Variants in SLC12A2 observed in about 807,000 individuals in gnomAD.
The protein encoded by SLC12A2 is solute carrier family 12 member 2.
A neutral mutation model predicts 136.3 loss-of-function variants in SLC12A2; 67 were observed. That is an observed-to-expected ratio of 0.49 (90% CI 0.40 to 0.60). SLC12A2 has a LOEUF of 0.60. SLC12A2 is among the 20% of genes least tolerant of loss of function. SLC12A2 has a pLI of 0.00. For missense variants in SLC12A2, 1,322 were observed against 1,534.7 expected (o/e 0.86, Z 2.32); for synonymous variants, 619 against 562.9 (o/e 1.10, Z -1.41).
chr5:128,127,967 G>C (rs548368066), intron 4 of SLC12A2, among the ~76,000 whole-genome samples: 11 of 151,560 alleles, frequency 7.3e-5, no homozygotes, highest in Non-Finnish European at 1.3e-4. Flanking sequence ...TCATTTTTTA[G>C]TATAATCATT....
At chr5:128,126,627 T>C (rs2126689439) in intron 4 of SLC12A2, among the ~76,000 whole-genome samples, 1 of 152,290 alleles carries the variant, frequency 6.6e-6, no homozygotes, top group East Asian at 1.9e-4. Flanking sequence ...TGAATAGAGA[T>C]GGTTTTTACT....
chr5:128,163,943 G>A (rs1763121684), intron 17 of SLC12A2, among the ~76,000 whole-genome samples: 1 of 152,056 alleles, frequency 6.6e-6, no homozygotes, highest in Non-Finnish European at 1.5e-5. Context: ...AATATTTTAG[G>A]TAGAATGCTA....
chr5:128,119,543 A>G (rs1311183883), intron 4 of SLC12A2, among the ~76,000 whole-genome samples: 1 of 152,096 alleles, frequency 6.6e-6, no homozygotes, highest in Non-Finnish European at 1.5e-5. Context: ...GATATGCAGC[A>G]TTATTTCTGA....
At chr5:128,152,606 T>C in intron 14 of SLC12A2, 100 bp from the exon 15 acceptor site, 1 of 781,408 alleles carries the variant, frequency 1.3e-6, no homozygotes, top group Non-Finnish European at 2.3e-6. Context: ...CAATTGACTT[T>C]TTAAATGTGA....
chr5:128,135,484 C>G (rs1554106106), intron 6 of SLC12A2, among the ~76,000 whole-genome samples: 39 of 151,802 alleles, frequency 2.6e-4, no homozygotes, highest in Non-Finnish European at 1.5e-5. Flanking sequence ...CTTTTACTAT[C>G]TTTTTTTTCC....
At chr5:128,180,782 T>C in intron 22 of SLC12A2, 101 bp from the exon 23 acceptor site, 1 of 706,250 alleles carries the variant, frequency 1.4e-6, no homozygotes, top group Non-Finnish European at 2.5e-6. Context: ...GATTTTTGTT[T>C]CATATGGAGT....
chr5:128,110,588 T>C (rs1416091513), intron 1 of SLC12A2: 1 of 1,120,692 alleles, frequency 8.9e-7, no homozygotes, highest in African/African-American at 1.5e-5. Flanking sequence ...CAAATAAATA[T>C]TGATGGCATC....
At position 128,171,668 on chromosome 5, in the gene SLC12A2, G is replaced by A. The variant is rs1276616617; in HGVS notation, c.2725G>A (p.Asp909Asn). 2 of 1,555,418 alleles carry A rather than the reference G, an allele frequency of 1.3e-6. No homozygotes were observed. Among genetic ancestry groups the A allele is most frequent in the African/African-American group, 2.8e-5 (2 of 70,418 alleles). Residue 909 changes from aspartate to asparagine, a missense_variant and splice_region_variant, in exon 19 of 27, where the codon GAT (aspartate) becomes AAT (asparagine). Transcript: ENST00000262461. ...DVDMYINLFH[D>N]AFDIQYGVVV... ...CATTTTTTGTTTTTTTGTTCTTAGT[G>A]ATGCTTTTGACATACAATATGGAGT...
intron 7 of SLC12A2, 121 bp downstream of exon 7, chr5:128,135,929 T>C: frequency 1.5e-6 from 1 of 676,996 alleles, no homozygotes; most frequent in Non-Finnish European, 2.6e-6. Context: ...TGATTCACCC[T>C]AATTTACAAT....
Position 128,121,587 on chromosome 5 carries a change from G to T in SLC12A2, c.1048+6906G>T, listed in dbSNP as rs1399235998. On this transcript the variant is annotated intron_variant, in intron 4 of 26. Coordinates refer to ENST00000262461, the MANE Select transcript of SLC12A2 (RefSeq NM_001046.3). Reference sequence around the variant, plus strand: ...TCTGCCCGCCTCAGCCTCCCAAAGTGCTGGGATTACAGGCTTGAGACACTG... The same window carrying T: ...TCTGCCCGCCTCAGCCTCCCAAAGTTCTGGGATTACAGGCTTGAGACACTG... Among the ~76,000 whole-genome samples, 138 of 152,244 alleles carry T rather than the reference G, an allele frequency of 9.1e-4. 1 individual carries two copies. Among genetic ancestry groups the T allele is most frequent in the Non-Finnish European group, 1.2e-4 (8 of 68,018 alleles).
intron 23 of SLC12A2, 39 bp from the exon 24 acceptor site, chr5:128,182,815 GA>G: frequency 7.0e-7 from 1 of 1,419,520 alleles, no homozygotes; most frequent in Non-Finnish European, 9.9e-7. Flanking sequence ...AATATAGAAT[GA>G]AAATACTTGT....
intron 4 of SLC12A2, among the ~76,000 whole-genome samples, chr5:128,121,392 G>A (rs1241047902): frequency 6.6e-6 from 1 of 151,766 alleles, no homozygotes; most frequent in Admixed American, 6.6e-5. Context: ...GCACGATCTC[G>A]GCTCACTGCA....
intron 25 of SLC12A2, 131 bp downstream of exon 25, chr5:128,184,632 AGTGGAAAGCATT>A (rs1763811281): frequency 7.5e-7 from 1 of 1,338,944 alleles, no homozygotes; most frequent in African/African-American, 1.5e-5. Flanking sequence ...ATTTGAGGTT[AGTGGAAAGCATT>A]TTTAAAAAAA....
chr5:128,110,988 T>A, intron 1 of SLC12A2: 1 of 770,188 alleles, frequency 1.3e-6, no homozygotes, highest in Non-Finnish European at 2.4e-6. Flanking sequence ...AGACCAAAGA[T>A]GAACTCTGAT....
intron 1 of SLC12A2, among the ~76,000 whole-genome samples, chr5:128,085,145 G>T (rs528980770): frequency 6.6e-6 from 1 of 151,952 alleles, no homozygotes; most frequent in East Asian, 1.9e-4. Context: ...ACGCCTATTA[G>T]GGATCGCAAG....
chr5:128,184,876 A>G lies in SLC12A2; in HGVS notation c.3503+20A>G. The stretch of plus-strand genomic sequence containing the variant: ...TGTCATGTAAGTAATATCTTTATAA[A>G]GATTTTCTTGCTAATTTATGATAAT... On this transcript the variant is annotated intron_variant, in intron 26 of 26. Coordinates refer to ENST00000262461, the MANE Select transcript of SLC12A2 (RefSeq NM_001046.3). 1 of 1,553,450 alleles carries G rather than the reference A, an allele frequency of 6.4e-7. No individual in the cohort carries two copies. Among genetic ancestry groups the G allele is most frequent in the South Asian group, 1.1e-5 (1 of 89,498 alleles).
chr5:128,130,243 C>A (rs1761965267), intron 4 of SLC12A2, among the ~76,000 whole-genome samples: 1 of 151,960 alleles, frequency 6.6e-6, no homozygotes, highest in South Asian at 2.1e-4. Context: ...GAAACTCTGT[C>A]TCTACTAATA....
At chr5:128,176,984 T>C (rs1053892566) in intron 20 of SLC12A2, 121 bp from the exon 21 acceptor site, 1 of 558,156 alleles carries the variant, frequency 1.8e-6, no homozygotes, top group South Asian at 3.7e-5. Flanking sequence ...TCTTGATTAT[T>C]TTTCAGTGGA....
intron 10 of SLC12A2, among the ~76,000 whole-genome samples, chr5:128,146,535 G>C (rs1762529980): frequency 8.1e-6 from 1 of 123,426 alleles, no homozygotes; most frequent in Non-Finnish European, 1.6e-5. Context: ...CTATGTTGTT[G>C]GTGTTTTTTT....
Sources: allele counts gnomAD v4.1 joint callset (sites outside exome capture counted in the v4.1 genomes callset), GRCh38; gene constraint gnomAD v4.1.1; transcripts MANE v1.5; gene names NCBI Gene and HGNC (gene_info 2026-07-23, HGNC 2026-07-21).